The following NFIC variants were observed in gnomAD, a reference collection of about 807,000 sequenced individuals.
The protein encoded by NFIC is nuclear factor 1 C-type.
A neutral mutation model predicts 54.4 loss-of-function variants in NFIC; 12 were observed. The observed-to-expected ratio is 0.22, with a 90% CI of 0.14 to 0.36. The LOEUF is 0.36. Among genes scored for constraint, NFIC ranks in the 10% least tolerant of loss-of-function variants. NFIC has a pLI of 1.00. For synonymous variants in NFIC, 322 were observed against 319.2 expected, an observed-to-expected ratio of 1.01 and a Z score of -0.09; for missense variants, 575 against 718.2, an observed-to-expected ratio of 0.80 and a Z score of 2.28.
Position 3,375,512 on chromosome 19 carries a change from G to A in NFIC, c.31-6200G>A, listed in dbSNP as rs1246394230. Among the ~76,000 whole-genome samples, 1 of 152,206 alleles carries A rather than the reference G, an allele frequency of 6.6e-6. No homozygotes were observed. The highest frequency in any genetic ancestry group is 1.5e-5 in the Non-Finnish European group (1 of 68,036). ...AGGGGCAGGGACGAGATTGGACAGG[G>A]CCTGGGCCGGGCCCCCTCCACCTCC... On this transcript the variant is annotated intron_variant, in intron 1 of 10. Transcript: ENST00000443272. The surrounding 1 kb of genome is among the most constrained non-coding windows in gnomAD (Gnocchi z 4.6).
intron 1 of NFIC, among the ~76,000 whole-genome samples, chr19:3,360,122 G>C (rs2080790863): frequency 6.8e-6 from 1 of 146,254 alleles, no homozygotes; most frequent in Non-Finnish European, 1.5e-5. Flanking sequence ...CGGCGCGTGG[G>C]GCGGGGGTCG....
chr19:3,362,092 G>A (rs1327580843), upstream of NFIC, among the ~76,000 whole-genome samples: 1 of 152,178 alleles, frequency 6.6e-6, no homozygotes, highest in Non-Finnish European at 1.5e-5. Context: ...CTGCAGGGCC[G>A]AGAGCCCAGC....
Position 3,376,486 on chromosome 19 carries a change from G to A in NFIC, c.31-5226G>A, listed in dbSNP as rs556069360. 4.2e-5 allele frequency among the ~76,000 whole-genome samples: 6 copies of A among 142,544 alleles called. No individual in the cohort carries two copies. In the South Asian group the frequency reaches 1.4e-3, roughly 32 times the overall value. 93.5% of individuals were successfully genotyped at this position (142,544 alleles called of 152,430 possible). A position where few individuals can be genotyped will look rare whatever the true frequency, so the allele number is the denominator to read the frequency against. On this transcript the variant is annotated intron_variant, in intron 1 of 10. Coordinates refer to ENST00000443272, the MANE Select transcript of NFIC (RefSeq NM_001245002.2). ...GAAAGAAAATAGAAAATATCCCAGTGCCTTAGGAGGCCGAGGTGGGAGGAT... is the reference window on the plus strand; with the variant it reads ...GAAAGAAAATAGAAAATATCCCAGTACCTTAGGAGGCCGAGGTGGGAGGAT...
chr19:3,414,105 C>T (rs912865730), intron 2 of NFIC, among the ~76,000 whole-genome samples: 2 of 152,048 alleles, frequency 1.3e-5, no homozygotes, highest in Non-Finnish European at 2.9e-5. Flanking sequence ...GAACTAATGG[C>T]AACATAGTGC....
intron 2 of NFIC, chr19:3,410,768 A>T (rs1408052670): frequency 6.6e-6 from 1 of 152,316 alleles, no homozygotes; most frequent in African/African-American, 2.4e-5. Context: ...TCCTCTGAGC[A>T]TAGCAACAGA....
At chr19:3,365,481 G>C (rs1200475310), upstream of NFIC, among the ~76,000 whole-genome samples, 2 of 152,142 alleles carry the variant, frequency 1.3e-5, no homozygotes, top group Non-Finnish European at 2.9e-5. Context: ...GGAGTGAACC[G>C]GGGGAGGGTT....
intron 2 of NFIC, among the ~76,000 whole-genome samples, chr19:3,419,501 G>T (rs907748629): frequency 1.3e-5 from 2 of 151,918 alleles, no homozygotes; most frequent in African/African-American, 4.8e-5. Context: ...GAGCACAGTG[G>T]CTCACACCTG....
chr19:3,435,769 C>T (rs536037801), intron 6 of NFIC, among the ~76,000 whole-genome samples: 2 of 152,118 alleles, frequency 1.3e-5, no homozygotes, highest in African/African-American at 2.4e-5. Context: ...AAGATTTTAT[C>T]CTCTTGCTTT....
chr19:3,407,239 G>A (rs4807461), intron 2 of NFIC, among the ~76,000 whole-genome samples: 62,997 of 150,980 alleles, frequency 0.42, 15,738 homozygotes, highest in Non-Finnish European at 0.56. Context: ...TCAGCCTCCC[G>A]AGTAGCTGGG....
At chr19:3,438,664 C>T (rs1214574777) in intron 6 of NFIC, among the ~76,000 whole-genome samples, 2 of 151,910 alleles carry the variant, frequency 1.3e-5, no homozygotes, top group African/African-American at 4.8e-5. Flanking sequence ...GTCTCGATCT[C>T]CTGACCTCGT....
At chr19:3,394,531 C>CCCCCCCCCA (rs1192097514) in intron 2 of NFIC, among the ~76,000 whole-genome samples, 2 of 48,890 alleles carry the variant, frequency 4.1e-5, no homozygotes, top group African/African-American at 1.1e-4. Context: ...CCACCCCCCA[C>CCCCCCCCCA]CCGCTTACAC....
Position 3,459,397 on chromosome 19 carries a change from T to C in NFIC, c.1509+2762T>C, listed in dbSNP as rs2082608209. The stretch of plus-strand genomic sequence containing the variant: ...GCCCTGGCCCCTCCCCTCTGTGATG[T>C]CCTTCACGCCCCTACATTTCTCCTG... On this transcript the variant is annotated intron_variant, in intron 10 of 10. Transcript: ENST00000443272. The surrounding 1 kb of genome is among the most constrained non-coding windows in gnomAD (Gnocchi z 4.2). Among the ~76,000 whole-genome samples the C allele has an allele frequency of 6.6e-6, 1 of 152,002 alleles. No homozygotes were observed.
intron 1 of NFIC, chr19:3,359,702 A>G: frequency 7.0e-7 from 1 of 1,421,714 alleles, no homozygotes; most frequent in Admixed American, 2.5e-5. Flanking sequence ...CGCCGCACCC[A>G]CTTTCGTTTT....
In NFIC at chr19:3,369,750, T is replaced by G. The variant is rs2080965593; in HGVS notation, c.30+3084T>G. Among the ~76,000 whole-genome samples the G allele has an allele frequency of 1.3e-5, 2 of 150,066 alleles. No individual in the cohort carries two copies. The highest frequency in any genetic ancestry group is 4.1e-4 in the East Asian group (2 of 4,874). ...CGCGCCTGCTCTGGGCCTCCCTCCCTGCCTCCCTCCCGCTGGCGCCACCGC... is the reference window on the plus strand; with the variant it reads ...CGCGCCTGCTCTGGGCCTCCCTCCCGGCCTCCCTCCCGCTGGCGCCACCGC... On this transcript the variant is annotated intron_variant, in intron 1 of 10. Coordinates refer to ENST00000443272, the MANE Select transcript of NFIC (RefSeq NM_001245002.2). The surrounding 1 kb of genome is among the most constrained non-coding windows in gnomAD (Gnocchi z 4.3).
chr19:3,394,519 A>ACCCCCCCCCCC (rs138210089), intron 2 of NFIC, among the ~76,000 whole-genome samples: 1 of 47,312 alleles, frequency 2.1e-5, no homozygotes, highest in Non-Finnish European at 3.4e-5. Flanking sequence ...TCTTTTCCCC[A>ACCCCCCCCCCC]CCCACCCCCC....
chr19:3,372,884 G>A (rs940349607), intron 1 of NFIC, among the ~76,000 whole-genome samples: 1 of 150,974 alleles, frequency 6.6e-6, no homozygotes. Context: ...TCGCTCTGTC[G>A]CCCAGACTAG....
intron 3 of NFIC, among the ~76,000 whole-genome samples, chr19:3,433,022 T>C (rs547347080): frequency 1.2e-3 from 181 of 151,740 alleles, no homozygotes; most frequent in African/African-American, 3.6e-3. Flanking sequence ...TGGAGTGCAG[T>C]GGCACAACAA....
intron 3 of NFIC, among the ~76,000 whole-genome samples, chr19:3,429,792 T>C (rs536392436): frequency 1.3e-5 from 2 of 152,198 alleles, no homozygotes; most frequent in Admixed American, 6.5e-5. Context: ...CCTGCTGGCC[T>C]GCAACTTGCC....
rs557966637 is a variant in NFIC, at chr19:3,465,963, C to T, written c.*3194C>T. On this transcript the variant is annotated 3_prime_UTR_variant, in exon 11 of 11. Transcript: ENST00000443272. ...GAGACCACCCCAGGTGGCATTCTCT[C>T]CCACCTTCTCCTTTGTCCCCCATCC... 6.6e-6 allele frequency: 1 copy of T among 152,386 alleles called. No individual in the cohort carries two copies. The highest frequency in any genetic ancestry group is 2.4e-5 in the African/African-American group (1 of 41,556). 9.4% of individuals were successfully genotyped at this position (152,386 alleles called of 1,614,324 possible).
Sources: allele counts gnomAD v4.1 joint callset (sites outside exome capture counted in the v4.1 genomes callset), GRCh38; gene constraint gnomAD v4.1.1; non-coding constraint Gnocchi (gnomAD v3.1); transcripts MANE v1.5; gene names NCBI Gene and HGNC (gene_info 2026-07-23, HGNC 2026-07-21).